LNX1: variants seen among roughly 807,000 people sequenced by gnomAD.
The protein encoded by LNX1 is ligand of numb-protein X 1, also known as E3 ubiquitin-protein ligase LNX.
In LNX1, 54 loss-of-function variants were observed where a neutral mutation model predicts 68.4. That is an observed-to-expected ratio of 0.79 (90% CI 0.63 to 0.99). The LOEUF is 0.99. LNX1 is among the 50% of genes least tolerant of loss of function. The probability of loss-of-function intolerance (pLI) is 0.00; values close to 1 mark genes in which losing one functional copy is unlikely to be tolerated. For synonymous variants in LNX1, 336 were observed against 350.0 expected (o/e 0.96, Z 0.45); for missense variants, 906 against 926.4 (o/e 0.98, Z 0.29).
chr4:53,522,551 G>A (rs1488350238), intron 2 of LNX1, among the ~76,000 whole-genome samples: 1 of 152,118 alleles, frequency 6.6e-6, no homozygotes, highest in Non-Finnish European at 1.5e-5. Context: ...TGTTGGTTGA[G>A]CCTGTTTTAC....
At chr4:53,558,214 G>T in intron 2 of LNX1, 3 of 1,278,726 alleles carry the variant, frequency 2.3e-6, no homozygotes, top group Non-Finnish European at 3.0e-6. Flanking sequence ...GAGAGCTTAG[G>T]CTGAGAGCAG....
chr4:53,566,848 C>A lies in LNX1; in HGVS notation c.380+6775G>T, dbSNP rs1577724989. Among the ~76,000 whole-genome samples, 9 of 151,042 alleles carry A rather than the reference C, an allele frequency of 6.0e-5. No individual in the cohort carries two copies. In the South Asian group the frequency reaches 1.9e-3, roughly 32 times the overall value. On this transcript the variant is annotated intron_variant, in intron 2 of 10. Transcript: ENST00000263925. The stretch of plus-strand genomic sequence containing the variant: ...AACAAAAAAAGGCAGGGGTTGCAAT[C>A]CTAGTCTCTGATAAAACAGACTTTA...
At chr4:53,506,569 G>A (rs1725884725) in intron 4 of LNX1, among the ~76,000 whole-genome samples, 1 of 151,990 alleles carries the variant, frequency 6.6e-6, no homozygotes, top group African/African-American at 2.4e-5. Flanking sequence ...AGGAATAGGA[G>A]TGGCGCCAGG....
chr4:53,618,985 C>T (rs1358928205), upstream of LNX1, among the ~76,000 whole-genome samples: 1 of 152,062 alleles, frequency 6.6e-6, no homozygotes, highest in Admixed American at 6.6e-5. Flanking sequence ...CTCCTGGGCT[C>T]AAGTGATCCT....
chr4:53,580,017 G>A (rs6831363), intron 1 of LNX1, among the ~76,000 whole-genome samples: 4,196 of 152,250 alleles, frequency 0.028, 193 homozygotes, highest in African/African-American at 0.096. Flanking sequence ...ATGGCGGTGT[G>A]TCCTGCATTG....
intron 2 of LNX1, among the ~76,000 whole-genome samples, chr4:53,510,059 G>C (rs1161440915): frequency 6.6e-6 from 1 of 152,222 alleles, no homozygotes; most frequent in Non-Finnish European, 1.5e-5. Context: ...TTCTTGCAAA[G>C]GGACAAGCAA....
At chr4:53,616,337 C>T (rs1420226101) in intron 2 of LNX1, among the ~76,000 whole-genome samples, 2 of 152,064 alleles carry the variant, frequency 1.3e-5, no homozygotes, top group Non-Finnish European at 2.9e-5. Flanking sequence ...AGTGCAAAGG[C>T]AGGCACTGCA....
At chr4:53,635,128 C>A (rs1010582276) in intron 1 of LNX1, among the ~76,000 whole-genome samples, 1 of 152,194 alleles carries the variant, frequency 6.6e-6, no homozygotes, top group African/African-American at 2.4e-5. Flanking sequence ...TGGTGCCCAG[C>A]CCCTCTCTGC....
chr4:53,496,498 T>G, intron 5 of LNX1, 104 bp from the exon 6 acceptor site: 1 of 1,367,500 alleles, frequency 7.3e-7, no homozygotes, highest in South Asian at 1.5e-5. Context: ...TAAAGACTGC[T>G]CTGCTCTCCC....
At chr4:53,462,365 T>C (rs1333875954) in intron 9 of LNX1, among the ~76,000 whole-genome samples, 1 of 150,006 alleles carries the variant, frequency 6.7e-6, no homozygotes, top group Non-Finnish European at 1.5e-5. Context: ...GTGTTAACTA[T>C]GTTATAATTG....
intron 2 of LNX1, among the ~76,000 whole-genome samples, chr4:53,544,951 G>A (rs191674429): frequency 6.4e-4 from 98 of 152,274 alleles, no homozygotes; most frequent in Non-Finnish European, 1.0e-3. Flanking sequence ...CGACCAGCAC[G>A]TCCCCAGTGA....
At chr4:53,584,894 G>A (rs1297259520) in intron 1 of LNX1, among the ~76,000 whole-genome samples, 1 of 152,116 alleles carries the variant, frequency 6.6e-6, no homozygotes, top group Non-Finnish European at 1.5e-5. Context: ...TCAGTGTAAC[G>A]TATATCACAT....
At chr4:53,510,604 G>T (rs1726258735) in intron 2 of LNX1, among the ~76,000 whole-genome samples, 1 of 152,144 alleles carries the variant, frequency 6.6e-6, no homozygotes, top group South Asian at 2.1e-4. Context: ...CTCAAAAATT[G>T]GTGAAACACT....
intron 2 of LNX1, among the ~76,000 whole-genome samples, chr4:53,550,354 C>T (rs1729415911): frequency 6.6e-6 from 1 of 152,194 alleles, no homozygotes; most frequent in Admixed American, 6.5e-5. Flanking sequence ...ACCCCATTTC[C>T]TCTGTAAACT....
intron 2 of LNX1, among the ~76,000 whole-genome samples, chr4:53,611,112 T>G (rs1198735220): frequency 6.6e-6 from 1 of 152,002 alleles, no homozygotes; most frequent in East Asian, 1.9e-4. Context: ...CAAAGGAATC[T>G]AATAAAAGTC....
chr4:53,493,304 C>T (rs1427971524), intron 6 of LNX1, among the ~76,000 whole-genome samples: 5 of 152,214 alleles, frequency 3.3e-5, no homozygotes, highest in Non-Finnish European at 5.9e-5. Context: ...TGTTCCCCAC[C>T]TGCTCTACTT....
intron 1 of LNX1, among the ~76,000 whole-genome samples, chr4:53,634,975 A>G (rs1243037415): frequency 1.3e-5 from 2 of 151,606 alleles, no homozygotes; most frequent in African/African-American, 2.4e-5. Flanking sequence ...ACAGGTGCAC[A>G]CTACCATATA....
intron 2 of LNX1, among the ~76,000 whole-genome samples, chr4:53,597,318 G>T (rs576467441): frequency 1.6e-4 from 24 of 152,276 alleles, no homozygotes; most frequent in Admixed American, 4.6e-4. Context: ...TGCCTGGCCT[G>T]TGAGGCTTTT....
chr4:53,561,525 C>T (rs761095874), intron 2 of LNX1, among the ~76,000 whole-genome samples: 2 of 152,102 alleles, frequency 1.3e-5, no homozygotes, highest in Non-Finnish European at 2.9e-5. Flanking sequence ...TGTGCCTGGC[C>T]CTCCGTGTAT....
Sources: allele counts gnomAD v4.1 joint callset (sites outside exome capture counted in the v4.1 genomes callset), GRCh38; gene constraint gnomAD v4.1.1; transcripts MANE v1.5; gene names NCBI Gene and HGNC (gene_info 2026-07-23, HGNC 2026-07-21).